Variants in SLC24A2 observed in about 807,000 individuals in gnomAD.
SLC24A2 encodes the protein solute carrier family 24 member 2.
A neutral mutation model predicts 62.0 loss-of-function variants in SLC24A2; 36 were observed. The observed-to-expected ratio is 0.58, with a 90% CI of 0.44 to 0.77. The LOEUF is 0.77. SLC24A2 is among the 30% of genes least tolerant of loss of function. SLC24A2 has a pLI of 0.00. For synonymous variants in SLC24A2, 358 were observed against 294.0 expected (o/e 1.22, Z -2.23); for missense variants, 846 against 817.9 (o/e 1.03, Z -0.42).
intron 4 of SLC24A2, among the ~76,000 whole-genome samples, chr9:19,609,283 G>A (rs1166959363): frequency 6.6e-6 from 1 of 152,228 alleles, no homozygotes; most frequent in East Asian, 1.9e-4. Context: ...TGCCCCGCTT[G>A]GTGCCTCACC....
the SLC24A2 span, among the ~76,000 whole-genome samples, chr9:20,123,338 A>G: frequency 6.6e-6 from 1 of 152,126 alleles, no homozygotes; most frequent in Non-Finnish European, 1.5e-5. Flanking sequence ...TCAACATATA[A>G]TTTTTGGAGG....
the SLC24A2 span, among the ~76,000 whole-genome samples, chr9:19,810,610 T>G: frequency 3.3e-5 from 5 of 152,336 alleles, no homozygotes; most frequent in African/African-American, 4.8e-5. Flanking sequence ...TAACTTACTT[T>G]AATGTCTGAA....
intron 8 of SLC24A2, among the ~76,000 whole-genome samples, chr9:19,543,286 A>AT (rs1834374001): frequency 6.6e-6 from 1 of 151,682 alleles, no homozygotes; most frequent in Non-Finnish European, 1.5e-5. Context: ...CCCCTTTATC[A>AT]TTTTTTATTG....
Position 19,593,672 on chromosome 9 carries a change from A to T in SLC24A2, c.1129+3557T>A, listed in dbSNP as rs555646460. On this transcript the variant is annotated intron_variant, in intron 5 of 10. Coordinates refer to ENST00000341998, the MANE Select transcript of SLC24A2 (RefSeq NM_020344.4). ...TGGTATCCATCAAGCATTTCTTCCCACTCCCTATGCTGTAGCCAATTCCAT... is the reference window on the plus strand; with the variant it reads ...TGGTATCCATCAAGCATTTCTTCCCTCTCCCTATGCTGTAGCCAATTCCAT... 2.0e-5 allele frequency among the ~76,000 whole-genome samples: 3 copies of T among 151,878 alleles called. No individual in the cohort carries two copies. The East Asian group carries it at 5.8e-4, about 29-fold the overall frequency.
chr9:19,559,046 A>T (rs1187055251), intron 7 of SLC24A2, among the ~76,000 whole-genome samples: 1 of 152,232 alleles, frequency 6.6e-6, no homozygotes, highest in South Asian at 2.1e-4. Flanking sequence ...ATTCTTTTAC[A>T]ACATGGTTGT....
intron 2 of SLC24A2, among the ~76,000 whole-genome samples, chr9:19,699,139 G>C (rs1030900116): frequency 6.6e-6 from 1 of 152,084 alleles, no homozygotes; most frequent in Non-Finnish European, 1.5e-5. Flanking sequence ...GGCAATTACT[G>C]TAACAGCTGA....
At chr9:19,532,663 G>C (rs534620967) in intron 8 of SLC24A2, among the ~76,000 whole-genome samples, 1 of 152,172 alleles carries the variant, frequency 6.6e-6, no homozygotes, top group Non-Finnish European at 1.5e-5. Flanking sequence ...CCAGAGTCTT[G>C]GCTTTGCGTC....
the SLC24A2 span, among the ~76,000 whole-genome samples, chr9:19,946,424 G>A: frequency 6.6e-6 from 1 of 152,178 alleles, no homozygotes; most frequent in Non-Finnish European, 1.5e-5. Flanking sequence ...AGCTCAATCA[G>A]TATCATTAGA....
chr9:19,679,515 G>A (rs1161539140), intron 2 of SLC24A2, among the ~76,000 whole-genome samples: 1 of 152,062 alleles, frequency 6.6e-6, no homozygotes, highest in African/African-American at 2.4e-5. Context: ...TCTGTGAAGG[G>A]GTTTTTGGAA....
At chr9:20,199,697 A>G in the SLC24A2 span, among the ~76,000 whole-genome samples, 4 of 151,822 alleles carry the variant, frequency 2.6e-5, no homozygotes, top group African/African-American at 9.7e-5. Flanking sequence ...ATATTCTGAT[A>G]TCTGGGTTTC....
At chr9:19,667,208 T>G (rs1819280424) in intron 2 of SLC24A2, among the ~76,000 whole-genome samples, 1 of 152,216 alleles carries the variant, frequency 6.6e-6, no homozygotes, top group Non-Finnish European at 1.5e-5. Context: ...ACAGAGAGCT[T>G]GCCAAAGCCA....
chr9:19,528,691 A>C (rs944483460), intron 8 of SLC24A2, among the ~76,000 whole-genome samples: 2 of 152,148 alleles, frequency 1.3e-5, no homozygotes, highest in Non-Finnish European at 2.9e-5. Context: ...ACACAGAAAA[A>C]GCCACCACCA....
At chr9:19,949,497 T>A in the SLC24A2 span, among the ~76,000 whole-genome samples, 5 of 152,246 alleles carry the variant, frequency 3.3e-5, no homozygotes, top group African/African-American at 9.6e-5. Context: ...TGTTGGAGAC[T>A]GGTAGTTGCC....
intron 2 of SLC24A2, among the ~76,000 whole-genome samples, chr9:19,704,645 AACAACTC>A (rs765641806): frequency 6.6e-5 from 10 of 152,354 alleles, no homozygotes; most frequent in Middle Eastern, 3.4e-3. Context: ...ACTGGAAGAA[AACAACTC>A]ACAACTCACA....
chr9:20,287,883 T>A, the SLC24A2 span, among the ~76,000 whole-genome samples: 1 of 152,238 alleles, frequency 6.6e-6, no homozygotes, highest in Non-Finnish European at 1.5e-5. Flanking sequence ...GATACTCAAA[T>A]TTCTGTTAAA....
chr9:19,973,984 AT>A, the SLC24A2 span, among the ~76,000 whole-genome samples: 1 of 152,174 alleles, frequency 6.6e-6, no homozygotes, highest in Non-Finnish European at 1.5e-5. Context: ...AACTTGTTTC[AT>A]TAAATTTGTG....
At chr9:20,022,787 A>G in the SLC24A2 span, among the ~76,000 whole-genome samples, 1 of 152,192 alleles carries the variant, frequency 6.6e-6, no homozygotes, top group South Asian at 2.1e-4. Context: ...CTTGAATGGC[A>G]TATGTTCCCT....
At chr9:19,792,802 C>A (rs1323675292), upstream of SLC24A2, among the ~76,000 whole-genome samples, 1 of 152,048 alleles carries the variant, frequency 6.6e-6, no homozygotes, top group Admixed American at 6.6e-5. Context: ...TTAATCATTT[C>A]TTTCTTCATT....
intron 2 of SLC24A2, among the ~76,000 whole-genome samples, chr9:19,784,459 T>C (rs1031453720): frequency 2.0e-5 from 3 of 152,230 alleles, no homozygotes; most frequent in African/African-American, 7.2e-5. Flanking sequence ...TCAGCATTGA[T>C]GCACCCAAGA....
Sources: gnomAD v4.1 joint callset for allele counts (sites outside exome capture counted in the v4.1 genomes callset) on GRCh38, gnomAD v4.1.1 for gene constraint, MANE v1.5 for transcripts, NCBI Gene and HGNC (gene_info 2026-07-23, HGNC 2026-07-21) for gene names.